The following HIPK3 variants were observed in gnomAD, a reference collection of about 807,000 sequenced individuals.
HIPK3 encodes homeodomain-interacting protein kinase 3.
HIPK3 carries 47 observed loss-of-function variants against 124.2 expected under a neutral mutation model. The observed-to-expected ratio is 0.38, with a 90% CI of 0.30 to 0.48. The LOEUF is 0.48. Among genes scored for constraint, HIPK3 ranks in the 20% least tolerant of loss-of-function variants. The pLI is 0.98. For synonymous variants in HIPK3, 482 were observed against 515.2 expected, an observed-to-expected ratio of 0.94 and a Z score of 0.87; for missense variants, 1,286 against 1,454.3, an observed-to-expected ratio of 0.88 and a Z score of 1.88.
At chr11:33,294,909 A>G (rs1224942421) in intron 2 of HIPK3, among the ~76,000 whole-genome samples, 3 of 152,106 alleles carry the variant, frequency 2.0e-5, no homozygotes, top group Non-Finnish European at 2.9e-5. Flanking sequence ...ACATGTTTAC[A>G]TTATTTGCCC....
intron 2 of HIPK3, among the ~76,000 whole-genome samples, chr11:33,311,567 A>G (rs901265043): frequency 6.6e-6 from 1 of 151,966 alleles, no homozygotes; most frequent in African/African-American, 2.4e-5. Context: ...TGAGTTCTGT[A>G]TACCCCCTGC....
At chr11:33,335,327 A>G (rs539094993) in intron 3 of HIPK3, among the ~76,000 whole-genome samples, 16 of 152,374 alleles carry the variant, frequency 1.1e-4, no homozygotes, top group Middle Eastern at 3.4e-3. Context: ...GCAGTGTCAT[A>G]TAAAGAACAA....
intron 1 of HIPK3, among the ~76,000 whole-genome samples, chr11:33,274,316 TTGTC>T (rs1208948798): frequency 1.9e-4 from 29 of 152,334 alleles, no homozygotes; most frequent in African/African-American, 7.0e-4. Flanking sequence ...GTATTTATCT[TTGTC>T]TGAAAGTTAC....
At position 33,285,616 on chromosome 11, in the gene HIPK3, T is replaced by A. The variant is rs370013226; in HGVS notation, c.-2-797T>A. Reference sequence around the variant, plus strand: ...ATATATAGTTAAAGCAGACATAGATTTTTTTTCCTCCTGAGGCAATTCTTG... The same window carrying A: ...ATATATAGTTAAAGCAGACATAGATATTTTTTCCTCCTGAGGCAATTCTTG... On this transcript the variant is annotated intron_variant, in intron 1 of 16. Transcript: ENST00000303296. Among the ~76,000 whole-genome samples, 4 of 151,606 alleles carry A rather than the reference T, an allele frequency of 2.6e-5. No individual in the cohort carries two copies. In the South Asian group the frequency reaches 6.2e-4, roughly 24 times the overall value.
At chr11:33,336,525 C>G (rs930654072) in intron 3 of HIPK3, among the ~76,000 whole-genome samples, 1 of 152,180 alleles carries the variant, frequency 6.6e-6, no homozygotes, top group Non-Finnish European at 1.5e-5. Flanking sequence ...CACCCATTGT[C>G]AGACATTTCT....
chr11:33,338,886 G>T, intron 5 of HIPK3, 43 bp downstream of exon 5: 1 of 1,399,760 alleles, frequency 7.1e-7, no homozygotes. Flanking sequence ...ATGCTTAGAT[G>T]GTAGACTTGA....
At chr11:33,307,114 T>C (rs188399983) in intron 2 of HIPK3, among the ~76,000 whole-genome samples, 1,554 of 152,092 alleles carry the variant, frequency 0.01, 8 homozygotes, top group Non-Finnish European at 0.015. Context: ...AATTTTTGTA[T>C]TTTCAGTAGA....
intron 1 of HIPK3, among the ~76,000 whole-genome samples, chr11:33,268,343 C>G (rs1851028257): frequency 6.6e-6 from 1 of 151,954 alleles, no homozygotes. Flanking sequence ...GCCTGTAATC[C>G]TAGCACTTTA....
intron 3 of HIPK3, among the ~76,000 whole-genome samples, chr11:33,334,160 C>A (rs990735741): frequency 5.9e-5 from 9 of 151,912 alleles, no homozygotes; most frequent in African/African-American, 2.2e-4. Context: ...GGAAGGCACA[C>A]AATCTAGTAG....
In HIPK3 at chr11:33,305,317, T is replaced by C. The variant is rs1185951298; in HGVS notation, c.1097+17806T>C. 4.6e-5 allele frequency among the ~76,000 whole-genome samples: 7 copies of C among 152,192 alleles called. No homozygotes were observed. The East Asian group carries it at 1.3e-3, about 29-fold the overall frequency. On this transcript the variant is annotated intron_variant, in intron 2 of 16. Transcript: ENST00000303296. ...ATGCCTGGCCTTTTTTTAATTTTAATTTTTCACTACTCTGTATTACCTTGA... is the reference window on the plus strand; with the variant it reads ...ATGCCTGGCCTTTTTTTAATTTTAACTTTTCACTACTCTGTATTACCTTGA...
intron 8 of HIPK3, among the ~76,000 whole-genome samples, chr11:33,342,503 G>A (rs930529331): frequency 5.9e-5 from 9 of 151,582 alleles, no homozygotes. Context: ...ATCCTCAAGC[G>A]GAATGGGTGA....
intron 8 of HIPK3, among the ~76,000 whole-genome samples, chr11:33,343,660 C>A (rs768969696): frequency 1.3e-5 from 2 of 152,104 alleles, no homozygotes; most frequent in Non-Finnish European, 2.9e-5. Flanking sequence ...AAATAAAAAA[C>A]CAAGAATATG....
In HIPK3 at chr11:33,347,751, G is replaced by A; in HGVS notation, c.2142G>A (p.Trp714Ter). The change falls in exon 10 of 17, where the codon TGG (tryptophan) becomes TGA (stop). Residue 714 changes from tryptophan (W) to a stop codon, truncating the protein, a stop_gained and splice_region_variant. Transcript: ENST00000303296. LOFTEE classifies it high-confidence loss of function. ...CTGGTTCACACAGGCTTGGAGACTG[G>A]GGGTAAGCTGAAAACAAAAGTACTT... ...SVAGSHRLGD[W>*]GKMISCSNHY... is the part of the protein sequence containing the mutation. 6.2e-7 allele frequency: 1 copy of A among 1,613,466 alleles called. No individual in the cohort carries two copies. The highest frequency in any genetic ancestry group is 8.5e-7 in the Non-Finnish European group (1 of 1,179,470).
intron 1 of HIPK3, among the ~76,000 whole-genome samples, chr11:33,279,562 G>A (rs1455145607): frequency 6.6e-6 from 1 of 152,144 alleles, no homozygotes; most frequent in African/African-American, 2.4e-5. Flanking sequence ...ATGACTATGG[G>A]TGTCAATATT....
chr11:33,295,590 C>T (rs917378820), intron 2 of HIPK3, among the ~76,000 whole-genome samples: 12 of 152,370 alleles, frequency 7.9e-5, no homozygotes, highest in Admixed American at 7.8e-4. Context: ...GGCCCGACAG[C>T]TGCAGCAGCT....
In HIPK3 at chr11:33,257,463, C is replaced by G. The variant is rs1850696131; in HGVS notation, c.-429C>G. ...CGCAGGCCCCGCCGTCGCCACCACT[C>G]CCGCCAGTCTTCCTTCTCCGCTCCC... On this transcript the variant is annotated 5_prime_UTR_variant, in exon 1 of 17. Coordinates refer to ENST00000303296, the MANE Select transcript of HIPK3 (RefSeq NM_005734.5). 1 of 985,856 alleles carries G rather than the reference C, an allele frequency of 1.0e-6. No individual in the cohort carries two copies. Among genetic ancestry groups the G allele is most frequent in the Non-Finnish European group, 1.2e-6 (1 of 830,344 alleles). The allele number at this position is 985,856 out of a possible 1,614,324, so 61.1% of individuals were successfully genotyped here. A position where few individuals can be genotyped will look rare whatever the true frequency, so the allele number is the denominator to read the frequency against.
At chr11:33,280,117 C>T (rs1047880118) in intron 1 of HIPK3, among the ~76,000 whole-genome samples, 3 of 152,142 alleles carry the variant, frequency 2.0e-5, no homozygotes, top group Admixed American at 1.3e-4. Flanking sequence ...AATGGTTGCT[C>T]TAATAGGAGT....
intron 2 of HIPK3, among the ~76,000 whole-genome samples, chr11:33,325,511 G>T (rs1488618649): frequency 1.3e-5 from 2 of 152,232 alleles, no homozygotes; most frequent in African/African-American, 2.4e-5. Context: ...TTTCAAAACT[G>T]CATTTTTGCT....
intron 3 of HIPK3, 98 bp from the exon 4 acceptor site, chr11:33,336,977 G>C: frequency 1.3e-6 from 1 of 778,782 alleles, no homozygotes; most frequent in African/African-American, 1.7e-5. Context: ...CATAGACTAT[G>C]TATTTTCATA....
Sources: gnomAD v4.1 joint callset for allele counts (sites outside exome capture counted in the v4.1 genomes callset) on GRCh38, gnomAD v4.1.1 for gene constraint, MANE v1.5 for transcripts, NCBI Gene and HGNC (gene_info 2026-07-23, HGNC 2026-07-21) for gene names.